Variants in NAGK observed in about 807,000 individuals in gnomAD.
NAGK encodes the protein N-acetylglucosamine kinase.
A neutral mutation model predicts 42.9 loss-of-function variants in NAGK; 35 were observed. The ratio of observed to expected loss-of-function variants is 0.82; its 90% CI spans 0.62 to 1.08. NAGK has a LOEUF of 1.08. Among genes scored for constraint, NAGK ranks in the 50% least tolerant of loss-of-function variants. The pLI, the probability that NAGK is intolerant of heterozygous loss-of-function variation, is 0.00. For missense variants in NAGK, 446 were observed against 446.0 expected, an observed-to-expected ratio of 1.00 and a Z score of 0.00; for synonymous variants, 172 against 176.0, an observed-to-expected ratio of 0.98 and a Z score of 0.18.
chr2:71,076,673 T>C lies in NAGK; in HGVS notation c.737T>C (p.Ile246Thr), dbSNP rs533814150. 90 of 1,613,900 alleles carry C rather than the reference T, an allele frequency of 5.6e-5. No homozygotes were observed. The East Asian group carries it at 1.8e-3, about 32-fold the overall frequency. Reference sequence around the variant, plus strand: ...GCTGGGGAGATGCTGGGCAGACACATCGTAGCAGTGTTGCCCGAGATTGAC... The same window carrying C: ...GCTGGGGAGATGCTGGGCAGACACACCGTAGCAGTGTTGCCCGAGATTGAC... ...RKAGEMLGRH[I>T]VAVLPEIDPV... Residue 246 changes from isoleucine (I) to threonine (T), a missense_variant, in exon 8 of 10, where the codon ATC becomes ACC. Ile to Thr is a moderately conservative substitution (Grantham distance 89). Coordinates refer to ENST00000244204, the MANE Select transcript of NAGK (RefSeq NM_017567.6).
intron 5 of NAGK, 145 bp from the exon 6 acceptor site, chr2:71,073,337 A>AC: frequency 6.8e-5 from 11 of 160,920 alleles, no homozygotes; most frequent in South Asian, 2.0e-4. Context: ...CCCCTCTCCC[A>AC]CCCCCTGCCA....
chr2:71,077,195 C>T (rs1291340446), intron 8 of NAGK, among the ~76,000 whole-genome samples: 1 of 152,132 alleles, frequency 6.6e-6, no homozygotes, highest in East Asian at 1.9e-4. Flanking sequence ...GAACTCCTGA[C>T]CTCAAGTGAT....
chr2:71,076,629 C>T lies in NAGK; in HGVS notation c.693C>T (p.Ser231=), dbSNP rs1334073545. 1 of 1,613,800 alleles carries T rather than the reference C, an allele frequency of 6.2e-7. No individual in the cohort carries two copies. Among genetic ancestry groups the T allele is most frequent in the Admixed American group, 1.7e-5 (1 of 59,998 alleles). The change falls in exon 8 of 10, where the codon TCC becomes TCT. Residue 231 remains serine (S), a synonymous_variant. Transcript: ENST00000244204. Reference sequence around the variant, plus strand: ...GTGCTCAGCAGGGAGACCCCCTTTCCCGCTATATCTTCAGGAAGGCTGGGG... The same window carrying T: ...GTGCTCAGCAGGGAGACCCCCTTTCTCGCTATATCTTCAGGAAGGCTGGGG... ...AEGAQQGDPL[S]RYIFRKAGEM...
chr2:71,068,587 C>T (rs1671872809), upstream of NAGK: 1 of 1,521,174 alleles, frequency 6.6e-7, no homozygotes. Context: ...CGCGGGAGGT[C>T]ACGGGAAGTG....
Position 71,071,718 on chromosome 2 carries a change from C to G in NAGK, c.246C>G (p.Asp82Glu), listed in dbSNP as rs747701719. The change falls in exon 4 of 10, where the codon GAC becomes GAG. Residue 82 changes from aspartate to glutamate, a missense_variant. Physicochemically the swap from Asp to Glu is conservative, Grantham distance 45. Transcript: ENST00000244204. ...CTCTGAGCGGTGGGGACCAGGAGGA[C>G]GCGGGGAGGATCCTGATCGAGGAGC... The part of the protein sequence containing the change: ...GLSLSGGDQE[D>E]AGRILIEELR... 3 of 1,613,956 alleles carry G rather than the reference C, an allele frequency of 1.9e-6. No homozygotes were observed. The highest frequency in any genetic ancestry group is 2.5e-6 in the Non-Finnish European group (3 of 1,179,978).
chr2:71,073,320 T>TCCC, intron 5 of NAGK, 162 bp from the exon 6 acceptor site: 3 of 391,484 alleles, frequency 7.7e-6, no homozygotes, highest in Non-Finnish European at 1.0e-5. Context: ...ATAGAGACCC[T>TCCC]CCCACCCCCC....
At chr2:71,068,987 G>A (rs1671897015) in intron 1 of NAGK, 5 of 1,216,824 alleles carry the variant, frequency 4.1e-6, no homozygotes, top group Non-Finnish European at 3.1e-6. Context: ...CACCCACTCC[G>A]CTGTCTTCAG....
chr2:71,072,684 C>T lies in NAGK; in HGVS notation c.399C>T (p.Leu133=), dbSNP rs750993817. Residue 133 remains leucine, a synonymous_variant, in exon 5 of 10, where the codon CTC becomes CTT. Transcript: ENST00000244204. ...CTGGAACAGGCTCCAACTGCAGGCT[C>T]ATCAACCCTGATGGCTCCGAGAGTG... ...LISGTGSNCR[L]INPDGSESGC... is the part of the protein sequence containing the mutation. 6.2e-6 allele frequency: 10 copies of T among 1,614,066 alleles called. No homozygotes were observed. Among genetic ancestry groups the T allele is most frequent in the South Asian group, 2.2e-5 (2 of 91,084 alleles).
rs942087725 is a variant in NAGK at position 71,076,409 on chromosome 2, C to T, written c.668-195C>T. ...CACCTCTGTACAGGGCACCCCTCTACAGAGGGAGGTAGCTGGTATGTTTGT... is the reference window on the plus strand; with the variant it reads ...CACCTCTGTACAGGGCACCCCTCTATAGAGGGAGGTAGCTGGTATGTTTGT... On this transcript the variant is annotated intron_variant, in intron 7 of 9. Coordinates refer to ENST00000244204, the MANE Select transcript of NAGK (RefSeq NM_017567.6). 1.7e-5 allele frequency: 9 copies of T among 537,348 alleles called. No homozygotes were observed. In the African/African-American group the frequency reaches 1.7e-4, roughly 10 times the overall value. The allele number at this position is 537,348 out of a possible 1,614,324, so 33.3% of individuals were successfully genotyped here.
intron 5 of NAGK, chr2:71,073,080 T>G (rs75562744): frequency 8.8e-6 from 4 of 454,514 alleles, no homozygotes; most frequent in Admixed American, 3.4e-5. Flanking sequence ...CATACCAGTC[T>G]GCTAGGGGAA....
At chr2:71,071,217 T>C (rs1385372716) in intron 3 of NAGK, 3 of 333,388 alleles carry the variant, frequency 9.0e-6, no homozygotes, top group Non-Finnish European at 1.7e-5. Context: ...GCAAAGTGGT[T>C]AGTATAGAGC....
chr2:71,072,842 C>CAAGG, intron 5 of NAGK, 91 bp downstream of exon 5: 3 of 1,200,510 alleles, frequency 2.5e-6, no homozygotes, highest in Non-Finnish European at 3.6e-6. Flanking sequence ...CTCACTGAGC[C>CAAGG]CTTGGGGCTT....
Position 71,078,309 on chromosome 2 carries a change from TC to T in NAGK, c.845-6del, listed in dbSNP as rs1356748975. 2 of 1,613,504 alleles carry T rather than the reference TC, an allele frequency of 1.2e-6. No individual in the cohort carries two copies. Among genetic ancestry groups the T allele is most frequent in the South Asian group, 2.2e-5 (2 of 91,070 alleles). ...CCTCTTATCTCTGTCCTTGTGTTCTTCCCTCCAGGTTTTCTTCTGGCGCTGA... is the reference window on the plus strand; with the variant it reads ...CCTCTTATCTCTGTCCTTGTGTTCTTCCTCCAGGTTTTCTTCTGGCGCTGA... On this transcript the variant is annotated splice_polypyrimidine_tract_variant and splice_region_variant and intron_variant, in intron 9 of 9. Transcript: ENST00000244204.
At chr2:71,075,347 A>G in intron 6 of NAGK, 1 of 539,642 alleles carries the variant, frequency 1.9e-6, no homozygotes, top group Non-Finnish European at 3.3e-6. Context: ...GCTGCCTTCA[A>G]ACTAATCTAT....
chr2:71,074,924 TAAAAA>T (rs887905275), intron 6 of NAGK: 1 of 151,254 alleles, frequency 6.6e-6, no homozygotes, highest in Non-Finnish European at 1.5e-5. Flanking sequence ...TCAAAAAAAA[TAAAAA>T]AAATATTCTG....
At chr2:71,070,225 G>A (rs1671947519) in intron 1 of NAGK, 1 of 355,280 alleles carries the variant, frequency 2.8e-6, no homozygotes, top group Admixed American at 4.3e-5. Flanking sequence ...ATTCGTTGGG[G>A]TGGGCCACAC....
chr2:71,075,670 C>T (rs1177848110), intron 7 of NAGK, 28 bp downstream of exon 7: 18 of 1,583,260 alleles, frequency 1.1e-5, no homozygotes, highest in Non-Finnish European at 1.5e-5. Flanking sequence ...TGGGTTTTAT[C>T]TGGCTTTGTT....
At chr2:71,075,531 C>G (rs1220042399) in intron 6 of NAGK, 24 bp from the exon 7 acceptor site, 4 of 1,581,522 alleles carry the variant, frequency 2.5e-6, no homozygotes, top group Admixed American at 3.3e-5. Flanking sequence ...TCTGATGACT[C>G]TCTTGTGCCC....
rs6713 is a variant in NAGK, at chr2:71,078,326, C to T, written c.853C>T (p.Leu285=). ...SWELLKEGFL[L]ALTQGREIQA... ...TGTGTTCTTCCCTCCAGGTTTTCTTCTGGCGCTGACCCAGGGCAGAGAGAT... is the reference window on the plus strand; with the variant it reads ...TGTGTTCTTCCCTCCAGGTTTTCTTTTGGCGCTGACCCAGGGCAGAGAGAT... Residue 285 remains leucine (L), a synonymous_variant, in exon 10 of 10, where the codon CTG becomes TTG. Coordinates refer to ENST00000244204, the MANE Select transcript of NAGK (RefSeq NM_017567.6). The T allele has an allele frequency of 0.71, 1,152,642 of 1,613,574 alleles. 415,398 individuals carry two copies. The highest frequency in any genetic ancestry group is 1 in the East Asian group (44,791 of 44,872).
Sources: allele counts gnomAD v4.1 joint callset (sites outside exome capture counted in the v4.1 genomes callset), GRCh38; gene constraint gnomAD v4.1.1; transcripts MANE v1.5; gene names NCBI Gene and HGNC (gene_info 2026-07-23, HGNC 2026-07-21).